RNASEH2B: variants seen among roughly 807,000 people sequenced by gnomAD.
RNASEH2B encodes ribonuclease H2 subunit B.
In RNASEH2B, 36 loss-of-function variants were observed where a neutral mutation model predicts 45.0. The observed-to-expected ratio is 0.80, with a 90% CI of 0.61 to 1.06. RNASEH2B has a LOEUF of 1.06. Ranked by LOEUF, RNASEH2B falls within the 50% of genes least tolerant of loss-of-function variation. RNASEH2B has a pLI of 0.00. For missense variants in RNASEH2B, 361 were observed against 360.3 expected (o/e 1.00, Z -0.02); for synonymous variants, 119 against 125.7 (o/e 0.95, Z 0.35).
downstream of RNASEH2B, among the ~76,000 whole-genome samples, chr13:50,957,137 G>A (rs1375711453): frequency 2.0e-5 from 3 of 150,920 alleles, no homozygotes; most frequent in African/African-American, 7.3e-5. Context: ...TACATATGCA[G>A]GTTTGTTACA....
chr13:50,958,012 A>G (rs931896559), downstream of RNASEH2B, among the ~76,000 whole-genome samples: 3 of 151,962 alleles, frequency 2.0e-5, no homozygotes, highest in African/African-American at 7.2e-5. Flanking sequence ...GTCTTTTGTC[A>G]GTTGCATAGT....
At chr13:50,969,451 A>G (rs867473741) in intron 9 of RNASEH2B, among the ~76,000 whole-genome samples, 17 of 147,600 alleles carry the variant, frequency 1.2e-4, no homozygotes, top group Non-Finnish European at 2.2e-4. Context: ...CAACAAGTAT[A>G]TGCTTATCTA....
chr13:50,951,675 C>A (rs185359469), intron 9 of RNASEH2B: 17 of 152,280 alleles, frequency 1.1e-4, no homozygotes, highest in African/African-American at 4.1e-4. Context: ...TTGTTACTGT[C>A]TTTCTGAGCC....
chr13:50,929,580 C>T lies in RNASEH2B; in HGVS notation c.242C>T (p.Ser81Leu). ...TGGTTTATAAATCAATCAGTTCAAT[C>T]AGGTAGGTGACTAGTGTAAGCATTT... ...HSWFINQSVQ[S>L]GGLLHFATPV... The change falls in exon 3 of 11, where the codon TCA becomes TTA. Residue 81 changes from serine to leucine, a missense_variant and splice_region_variant. By Grantham distance (145) the Ser-to-Leu change is moderately radical. Transcript: ENST00000336617. 6.4e-7 allele frequency: 1 copy of T among 1,572,922 alleles called. No individual in the cohort carries two copies. The highest frequency in any genetic ancestry group is 8.8e-7 in the Non-Finnish European group (1 of 1,142,580).
intron 1 of RNASEH2B, among the ~76,000 whole-genome samples, chr13:50,914,136 G>A (rs1307290857): frequency 6.6e-6 from 1 of 150,856 alleles, no homozygotes. Context: ...AGGAAAAAAA[G>A]TAAAGGTTTA....
chr13:50,929,645 C>A, intron 3 of RNASEH2B, 63 bp downstream of exon 3: 1 of 1,070,236 alleles, frequency 9.3e-7, no homozygotes. Flanking sequence ...CCATTCTTCA[C>A]ACGTGGGGTT....
chr13:50,967,429 T>A (rs527411562), intron 9 of RNASEH2B, among the ~76,000 whole-genome samples: 11 of 152,326 alleles, frequency 7.2e-5, no homozygotes, highest in Admixed American at 3.9e-4. Flanking sequence ...CAAAGCGCAT[T>A]GTGATTTTTA....
chr13:50,915,236 C>T, intron 1 of RNASEH2B: 2 of 394,872 alleles, frequency 5.1e-6, no homozygotes, highest in Non-Finnish European at 8.9e-6. Context: ...GCTTTTTCCT[C>T]CCCTTCTACT....
intron 5 of RNASEH2B, chr13:50,943,100 C>G: frequency 1.2e-5 from 5 of 432,904 alleles, no homozygotes; most frequent in Non-Finnish European, 1.2e-5. Flanking sequence ...TGAAGGTTTT[C>G]TTAAATTCTT....
chr13:50,968,716 G>A (rs964690047), intron 9 of RNASEH2B, among the ~76,000 whole-genome samples: 5 of 152,122 alleles, frequency 3.3e-5, no homozygotes, highest in Admixed American at 3.3e-4. Context: ...TATCCTCAAC[G>A]ATGGCAAGCC....
intron 3 of RNASEH2B, chr13:50,930,209 C>A (rs1437463114): frequency 4.3e-6 from 1 of 232,152 alleles, no homozygotes; most frequent in African/African-American, 2.3e-5. Flanking sequence ...GCCCACAGAC[C>A]ACGGAAGGGA....
chr13:50,941,898 C>G (rs1951837170), intron 5 of RNASEH2B: 1 of 152,412 alleles, frequency 6.6e-6, no homozygotes, highest in African/African-American at 2.4e-5. Context: ...CCAATCCATC[C>G]TGCCTCATCT....
At chr13:50,923,474 C>T (rs1010874787) in intron 1 of RNASEH2B, among the ~76,000 whole-genome samples, 5 of 152,108 alleles carry the variant, frequency 3.3e-5, no homozygotes, top group Non-Finnish European at 7.4e-5. Flanking sequence ...ATAAAATTAA[C>T]AGCTGACTTC....
intron 9 of RNASEH2B, among the ~76,000 whole-genome samples, chr13:50,969,618 G>A (rs939084968): frequency 1.3e-5 from 2 of 150,606 alleles, no homozygotes; most frequent in Non-Finnish European, 2.9e-5. Flanking sequence ...CCTATAAGAT[G>A]GTGCCCATCC....
rs1879259645 is a variant in RNASEH2B, at chr13:50,910,101, G to C, written c.25G>C (p.Asp9His). Residue 9 changes from aspartate (D) to histidine (H), a missense_variant, in exon 1 of 11, where the codon GAC becomes CAC. Physicochemically the swap from Asp to His is moderately conservative, Grantham distance 81. Coordinates refer to ENST00000336617, the MANE Select transcript of RNASEH2B (RefSeq NM_024570.4). MAAGVDCGDGVGARQHVFL... is the reference protein window; with the variant it reads MAAGVDCGHGVGARQHVFL... The stretch of plus-strand genomic sequence containing the variant: ...CATGGCCGCTGGCGTGGACTGCGGG[G>C]ACGGGGTTGGCGCCCGGCAGCACGT... 2 of 1,463,046 alleles carry C rather than the reference G, an allele frequency of 1.4e-6. No individual in the cohort carries two copies. The highest frequency in any genetic ancestry group is 1.8e-6 in the Non-Finnish European group (2 of 1,110,462). 90.6% of individuals were successfully genotyped at this position (1,463,046 alleles called of 1,614,324 possible).
chr13:50,916,784 A>T (rs1879770209), intron 1 of RNASEH2B, among the ~76,000 whole-genome samples: 1 of 152,214 alleles, frequency 6.6e-6, no homozygotes, highest in South Asian at 2.1e-4. Context: ...ATGTGGGGTC[A>T]GTGCACCTGG....
chr13:50,969,002 A>C (rs557101116), intron 9 of RNASEH2B, among the ~76,000 whole-genome samples: 4 of 152,348 alleles, frequency 2.6e-5, no homozygotes, highest in Non-Finnish European at 5.9e-5. Context: ...TTGCATAAAC[A>C]AGCAAAAGAA....
chr13:50,954,168 G>A, intron 10 of RNASEH2B, 183 bp downstream of exon 10: 1 of 650,696 alleles, frequency 1.5e-6, no homozygotes, highest in Non-Finnish European at 2.8e-6. Context: ...AAGCAACTAA[G>A]ACTTATTATT....
chr13:50,953,538 CT>C lies in RNASEH2B; in HGVS notation c.742-365del, dbSNP rs76564340. On this transcript the variant is annotated intron_variant, in intron 9 of 10. Coordinates refer to ENST00000336617, the MANE Select transcript of RNASEH2B (RefSeq NM_024570.4). ...GGATTCTGGCTGGACACCTGGCCCC[CT>C]TCAAGAGACTATTCTCATTTTGACT... 1,888 of 265,648 alleles carry C rather than the reference CT, an allele frequency of 7.1e-3. 141 individuals carry two copies. In the East Asian group the frequency reaches 0.15, roughly 21 times the overall value. 16.5% of individuals were successfully genotyped at this position (265,648 alleles called of 1,614,324 possible). A position where few individuals can be genotyped will look rare whatever the true frequency, so the allele number is the denominator to read the frequency against.
Sources: allele counts gnomAD v4.1 joint callset (sites outside exome capture counted in the v4.1 genomes callset), GRCh38; gene constraint gnomAD v4.1.1; transcripts MANE v1.5; gene names NCBI Gene and HGNC (gene_info 2026-07-23, HGNC 2026-07-21).